FAM168A: variants seen among roughly 807,000 people sequenced by gnomAD.
The protein encoded by FAM168A is protein FAM168A.
FAM168A carries 3 observed loss-of-function variants against 28.5 expected under a neutral mutation model. The observed-to-expected ratio is 0.11, with a 90% CI of 0.05 to 0.27. FAM168A has a LOEUF of 0.27. FAM168A is among the 10% of genes least tolerant of loss of function. The pLI is 1.00. For missense variants in FAM168A, 222 were observed against 311.5 expected (o/e 0.71, Z 2.16); for synonymous variants, 122 against 124.2 (o/e 0.98, Z 0.12).
intron 6 of FAM168A, among the ~76,000 whole-genome samples, chr11:73,408,802 A>G (rs1042210592): frequency 6.7e-6 from 1 of 150,030 alleles, no homozygotes; most frequent in African/African-American, 2.4e-5. Context: ...AAAAAAACCT[A>G]ACAGTCCTTG....
chr11:73,479,210 T>C (rs1420540665), intron 1 of FAM168A, among the ~76,000 whole-genome samples: 1 of 152,172 alleles, frequency 6.6e-6, no homozygotes, highest in Non-Finnish European at 1.5e-5. Flanking sequence ...CTGAGAAAGG[T>C]AGAAACAACC....
chr11:73,403,133 G>C lies in FAM168A; in HGVS notation c.*3630C>G, dbSNP rs1249870866. 6.6e-6 allele frequency: 1 copy of C among 152,204 alleles called. No homozygotes were observed. The highest frequency in any genetic ancestry group is 1.5e-5 in the Non-Finnish European group (1 of 68,032). The allele number at this position is 152,204 out of a possible 1,614,324, so 9.4% of individuals were successfully genotyped here. ...CATACCAAAAACGCTCTGGACAGGT[G>C]TGTGTGTCTCTGCTAAATATTCAGG... is the stretch of plus-strand genomic sequence containing the variant. On this transcript the variant is annotated 3_prime_UTR_variant, in exon 8 of 8. Transcript: ENST00000356467.
At chr11:73,439,557 T>C (rs1252564187) in intron 2 of FAM168A, among the ~76,000 whole-genome samples, 2 of 152,166 alleles carry the variant, frequency 1.3e-5, no homozygotes, top group Non-Finnish European at 2.9e-5. Context: ...TACGTAAATA[T>C]ATAAGGCCAA....
chr11:73,585,685 T>C (rs1369175678), intron 1 of FAM168A, among the ~76,000 whole-genome samples: 1 of 151,972 alleles, frequency 6.6e-6, no homozygotes, highest in Non-Finnish European at 1.5e-5. Context: ...TTGGACAACA[T>C]GGTGAAACCC....
chr11:73,481,729 TAGAG>T (rs750349028), intron 1 of FAM168A, among the ~76,000 whole-genome samples: 4 of 152,170 alleles, frequency 2.6e-5, no homozygotes, highest in Non-Finnish European at 5.9e-5. Context: ...CACATGTAGT[TAGAG>T]AGAGCTAGCT....
At chr11:73,546,463 G>A (rs1943754271) in intron 1 of FAM168A, among the ~76,000 whole-genome samples, 1 of 152,170 alleles carries the variant, frequency 6.6e-6, no homozygotes, top group Admixed American at 6.5e-5. Flanking sequence ...TGGGCACGGT[G>A]GCTCAACACC....
Position 73,538,341 on chromosome 11 carries a change from C to CA in FAM168A, c.-19+59581dup, listed in dbSNP as rs1004831620. ...TGGATGCAGGTTCCAAAACAAAAAA[C>CA]AAAAAAAAAAAAGAGAGAGAGAGAG... On this transcript the variant is annotated intron_variant, in intron 1 of 7. Coordinates refer to ENST00000356467, the MANE Select transcript of FAM168A (RefSeq NM_015159.3). 8.7e-3 allele frequency among the ~76,000 whole-genome samples: 1,167 copies of CA among 133,642 alleles called. 9 individuals carry two copies. Among genetic ancestry groups the CA allele is most frequent in the Middle Eastern group, 0.03 (8 of 268 alleles). The allele number at this position is 133,642 out of a possible 152,430, so 87.7% of individuals were successfully genotyped here.
intron 4 of FAM168A, among the ~76,000 whole-genome samples, chr11:73,413,161 C>CA (rs1171497737): frequency 6.6e-6 from 1 of 152,166 alleles, no homozygotes; most frequent in Admixed American, 6.5e-5. Context: ...TTTGGCTTAG[C>CA]ACCCCCCTGC....
At chr11:73,568,552 T>C (rs781483987) in intron 1 of FAM168A, among the ~76,000 whole-genome samples, 1 of 152,176 alleles carries the variant, frequency 6.6e-6, no homozygotes, top group Non-Finnish European at 1.5e-5. Flanking sequence ...ACCTAGAAGC[T>C]AAATGAAGTA....
intron 1 of FAM168A, among the ~76,000 whole-genome samples, chr11:73,510,312 GATAAGGCGTA>G (rs1371127204): frequency 6.6e-6 from 1 of 152,120 alleles, no homozygotes; most frequent in Non-Finnish European, 1.5e-5. Context: ...AGGGATAAGA[GATAAGGCGTA>G]ATCTCTGTCC....
At chr11:73,447,327 T>C (rs992148409) in intron 2 of FAM168A, among the ~76,000 whole-genome samples, 1 of 151,890 alleles carries the variant, frequency 6.6e-6, no homozygotes, top group African/African-American at 2.4e-5. Context: ...GGAAGGAGAA[T>C]TGCTTGAGCC....
In FAM168A at chr11:73,430,678, T is replaced by C. The variant is rs1362541816; in HGVS notation, c.151+12A>G. 5 of 1,612,218 alleles carry C rather than the reference T, an allele frequency of 3.1e-6. No homozygotes were observed. Among genetic ancestry groups the C allele is most frequent in the Non-Finnish European group, 4.2e-6 (5 of 1,178,686 alleles). On this transcript the variant is annotated intron_variant, in intron 3 of 7. Transcript: ENST00000356467. Reference sequence around the variant, plus strand: ...CACTCCATTCGCCACTGCTGTCCCATTTCCTCCTTACCTGGAGCATAACTG... The same window carrying C: ...CACTCCATTCGCCACTGCTGTCCCACTTCCTCCTTACCTGGAGCATAACTG...
chr11:73,523,739 A>G (rs1943414613), intron 1 of FAM168A, among the ~76,000 whole-genome samples: 1 of 152,082 alleles, frequency 6.6e-6, no homozygotes, highest in Non-Finnish European at 1.5e-5. Flanking sequence ...GTGAGCCACC[A>G]TGCCCAGCCC....
chr11:73,547,936 A>G (rs867141611), intron 1 of FAM168A, among the ~76,000 whole-genome samples: 1 of 152,306 alleles, frequency 6.6e-6, no homozygotes, highest in Middle Eastern at 3.4e-3. Context: ...ATGCTACAGC[A>G]TGGATGAATC....
Position 73,496,873 on chromosome 11 carries a change from T to TCACACACACACACACACACA in FAM168A, c.-18-28401_-18-28382dup, listed in dbSNP as rs71065011. ...CTGCACCCAGCCCTGTATGTTCTTA[T>TCACACACACACACACACACA]CACACACACACACACACACACACAC... On this transcript the variant is annotated intron_variant, in intron 1 of 7. Coordinates refer to ENST00000356467, the MANE Select transcript of FAM168A (RefSeq NM_015159.3). Among the ~76,000 whole-genome samples, 732 of 140,190 alleles carry TCACACACACACACACACACA rather than the reference T, an allele frequency of 5.2e-3. 8 individuals carry two copies. Among genetic ancestry groups the TCACACACACACACACACACA allele is most frequent in the African/African-American group, 0.019 (713 of 36,842 alleles). 92.0% of individuals were successfully genotyped at this position (140,190 alleles called of 152,430 possible).
chr11:73,498,120 G>T (rs1854930518), intron 1 of FAM168A, among the ~76,000 whole-genome samples: 1 of 152,124 alleles, frequency 6.6e-6, no homozygotes, highest in African/African-American at 2.4e-5. Context: ...TGACTCTGGG[G>T]GCCAAGATGG....
chr11:73,475,511 T>C (rs1278693814), intron 1 of FAM168A, among the ~76,000 whole-genome samples: 1 of 152,120 alleles, frequency 6.6e-6, no homozygotes, highest in Non-Finnish European at 1.5e-5. Flanking sequence ...GGATATGGTC[T>C]ACCTAGGAAA....
At chr11:73,571,588 G>A (rs1208695124) in intron 1 of FAM168A, among the ~76,000 whole-genome samples, 1 of 151,916 alleles carries the variant, frequency 6.6e-6, no homozygotes, top group East Asian at 1.9e-4. Context: ...TGTGATCTCG[G>A]CTCGCTACAA....
At chr11:73,569,151 C>G (rs1315662038) in intron 1 of FAM168A, among the ~76,000 whole-genome samples, 4 of 152,148 alleles carry the variant, frequency 2.6e-5, no homozygotes, top group Non-Finnish European at 1.5e-5. Flanking sequence ...TTGTAATTCT[C>G]AAACATAATC....
Sources: gnomAD v4.1 joint callset for allele counts (sites outside exome capture counted in the v4.1 genomes callset) on GRCh38, gnomAD v4.1.1 for gene constraint, MANE v1.5 for transcripts, NCBI Gene and HGNC (gene_info 2026-07-23, HGNC 2026-07-21) for gene names.